The following IQCM variants were observed in gnomAD, a reference collection of about 807,000 sequenced individuals.
IQCM encodes the protein IQ domain-containing protein M.
In IQCM, 45 loss-of-function variants were observed where a neutral mutation model predicts 57.6. The observed-to-expected ratio is 0.78, with a 90% confidence interval of 0.62 to 1.00. The LOEUF (loss-of-function observed/expected upper bound fraction) is 1.00, where lower values mean the gene tolerates loss of function less well. Among genes scored for constraint, IQCM ranks in the 50% least tolerant of loss-of-function variants. IQCM has a pLI of 0.00. For missense variants in IQCM, 468 were observed against 511.6 expected (o/e 0.91, Z 0.82); for synonymous variants, 148 against 158.9 (o/e 0.93, Z 0.51).
intron 2 of IQCM, among the ~76,000 whole-genome samples, chr4:149,775,834 A>T (rs1771036673): frequency 6.6e-6 from 1 of 152,232 alleles, no homozygotes; most frequent in Non-Finnish European, 1.5e-5. Flanking sequence ...AAGGATTAAG[A>T]GTGCCCTAAA....
chr4:149,357,827 C>T (rs978267969), intron 13 of IQCM, among the ~76,000 whole-genome samples: 42 of 152,246 alleles, frequency 2.8e-4, no homozygotes, highest in South Asian at 1.0e-3. Flanking sequence ...ATGGTACCAG[C>T]TCGTCCTTGT....
chr4:149,522,896 A>T (rs550002676), intron 12 of IQCM, among the ~76,000 whole-genome samples: 1 of 152,208 alleles, frequency 6.6e-6, no homozygotes, highest in African/African-American at 2.4e-5. Context: ...AACCCCAAAG[A>T]TAAAAGAAAA....
chr4:149,588,392 T>C (rs1057232799), intron 8 of IQCM, among the ~76,000 whole-genome samples: 5 of 151,758 alleles, frequency 3.3e-5, no homozygotes, highest in Admixed American at 6.6e-5. Context: ...GGTAGAAAAA[T>C]AATGCCAAAT....
chr4:149,482,029 T>A (rs1423749047), intron 12 of IQCM, among the ~76,000 whole-genome samples: 2 of 151,802 alleles, frequency 1.3e-5, no homozygotes, highest in Non-Finnish European at 2.9e-5. Flanking sequence ...GTATTTAATT[T>A]TATGTGTGGC....
chr4:149,657,036 G>A (rs975063917), intron 7 of IQCM, among the ~76,000 whole-genome samples: 2 of 151,962 alleles, frequency 1.3e-5, no homozygotes, highest in African/African-American at 4.8e-5. Flanking sequence ...CTCTCTTCTA[G>A]CTATTTTGTA....
intron 12 of IQCM, among the ~76,000 whole-genome samples, chr4:149,543,573 G>A (rs914862483): frequency 1.2e-4 from 15 of 129,174 alleles, no homozygotes; most frequent in Non-Finnish European, 1.9e-4. Flanking sequence ...ATTCCATGGT[G>A]TATATGTGTG....
At chr4:149,451,410 A>G (rs887669684) in intron 12 of IQCM, among the ~76,000 whole-genome samples, 1 of 151,798 alleles carries the variant, frequency 6.6e-6, no homozygotes, top group Non-Finnish European at 1.5e-5. Context: ...TGTGATTATT[A>G]TGCATTGCAT....
At chr4:149,741,632 G>C (rs368193875) in intron 3 of IQCM, among the ~76,000 whole-genome samples, 1 of 152,118 alleles carries the variant, frequency 6.6e-6, no homozygotes, top group Non-Finnish European at 1.5e-5. Context: ...ACACTGTCAG[G>C]GGTAACAGGA....
rs372888526 is a variant in IQCM at position 149,637,005 on chromosome 4, C to T, written c.566-15761G>A. On this transcript the variant is annotated intron_variant, in intron 7 of 13. Transcript: ENST00000636793. The stretch of plus-strand genomic sequence containing the variant: ...AAAAATACAAAAAATTAGCCGGGCG[C>T]GGTGGCAGGCGCCTGTAGTCCCAGC... Among the ~76,000 whole-genome samples the T allele has an allele frequency of 1.3e-3, 191 of 151,162 alleles. 2 individuals carry two copies. The East Asian group carries it at 0.03, about 23-fold the overall frequency.
At chr4:149,791,246 C>A (rs545408252) in intron 2 of IQCM, among the ~76,000 whole-genome samples, 1 of 151,884 alleles carries the variant, frequency 6.6e-6, no homozygotes, top group African/African-American at 2.4e-5. Context: ...TGATTTTTAT[C>A]TTTTTTATTG....
intron 10 of IQCM, 68 bp downstream of exon 10, chr4:149,563,624 C>G (rs1021551844): frequency 7.4e-6 from 8 of 1,082,082 alleles, no homozygotes; most frequent in Non-Finnish European, 9.4e-6. Flanking sequence ...GATGACTATT[C>G]AAAATTCTAC....
In IQCM at chr4:149,481,701, G is replaced by GTTTTTTTTTTTTGTTTTTTGTTTTT. The variant is rs751057249; in HGVS notation, c.1229-48145_1229-48144insAAAAACAAAAAACAAAAAAAAAAAA. Among the ~76,000 whole-genome samples, 57 of 51,552 alleles carry GTTTTTTTTTTTTGTTTTTTGTTTTT rather than the reference G, an allele frequency of 1.1e-3. 1 individual carries two copies. The highest frequency in any genetic ancestry group is 1.8e-3 in the African/African-American group (24 of 13,212). The allele number at this position is 51,552 out of a possible 152,430, so 33.8% of individuals were successfully genotyped here. On this transcript the variant is annotated intron_variant, in intron 12 of 13. Transcript: ENST00000636793. ...CATGTAATGTGATTCTTCCAGTTTTGTTTTTTTTTTTTTTTTTTTTTGCTT... is the reference window on the plus strand; with the variant it reads ...CATGTAATGTGATTCTTCCAGTTTTGTTTTTTTTTTTTGTTTTTTGTTTTTTTTTTTTTTTTTTTTTTTTTTGCTT...
intron 7 of IQCM, among the ~76,000 whole-genome samples, chr4:149,667,111 T>C (rs1318836032): frequency 6.6e-6 from 1 of 152,150 alleles, no homozygotes; most frequent in African/African-American, 2.4e-5. Flanking sequence ...AGTGAGTCCC[T>C]GACCCCCATG....
At chr4:149,396,694 T>C (rs939692216) in intron 13 of IQCM, among the ~76,000 whole-genome samples, 3 of 152,024 alleles carry the variant, frequency 2.0e-5, no homozygotes, top group Non-Finnish European at 2.9e-5. Flanking sequence ...ACTTTATTCC[T>C]ATTGATTAGT....
chr4:149,596,901 A>G (rs1405808365), intron 8 of IQCM, among the ~76,000 whole-genome samples: 1 of 152,158 alleles, frequency 6.6e-6, no homozygotes, highest in Non-Finnish European at 1.5e-5. Flanking sequence ...AATTCTCACA[A>G]TAAAATACCA....
In IQCM at chr4:149,548,400, A is replaced by G. The variant is rs557832412; in HGVS notation, c.1228+55T>C. 20 of 1,216,494 alleles carry G rather than the reference A, an allele frequency of 1.6e-5. 1 individual carries two copies. Among genetic ancestry groups the G allele is most frequent in the Non-Finnish European group, 2.1e-5 (20 of 973,914 alleles). 75.4% of individuals were successfully genotyped at this position (1,216,494 alleles called of 1,614,324 possible). A position where few individuals can be genotyped will look rare whatever the true frequency, so the allele number is the denominator to read the frequency against. On this transcript the variant is annotated intron_variant, in intron 12 of 13. Coordinates refer to ENST00000636793, the MANE Select transcript of IQCM (RefSeq NM_001363507.2). ...AACTAAGGAAAGTTGGGAAAGAGAAAAGAAAGAAGTTGAAAGGAAAAGAAG... is the reference window on the plus strand; with the variant it reads ...AACTAAGGAAAGTTGGGAAAGAGAAGAGAAAGAAGTTGAAAGGAAAAGAAG...
At chr4:149,533,404 T>C (rs1157198158) in intron 12 of IQCM, among the ~76,000 whole-genome samples, 1 of 152,078 alleles carries the variant, frequency 6.6e-6, no homozygotes, top group Admixed American at 6.6e-5. Flanking sequence ...GAAATAAGTA[T>C]AAAAAGGGAT....
At chr4:149,530,241 A>G (rs918785526) in intron 12 of IQCM, among the ~76,000 whole-genome samples, 5 of 152,138 alleles carry the variant, frequency 3.3e-5, no homozygotes, top group Admixed American at 1.3e-4. Flanking sequence ...GTGTATGTGT[A>G]TATATACACA....
intron 12 of IQCM, among the ~76,000 whole-genome samples, chr4:149,490,164 T>C (rs1173872814): frequency 2.0e-5 from 3 of 151,980 alleles, no homozygotes; most frequent in African/African-American, 7.2e-5. Context: ...CTAATGGTTC[T>C]AAAAAGACTC....
Sources: gnomAD v4.1 joint callset for allele counts (sites outside exome capture counted in the v4.1 genomes callset) on GRCh38, gnomAD v4.1.1 for gene constraint, MANE v1.5 for transcripts, NCBI Gene and HGNC (gene_info 2026-07-23, HGNC 2026-07-21) for gene names.